KLHL1: variants seen among roughly 807,000 people sequenced by gnomAD.
KLHL1 encodes kelch like family member 1, also known as kelch-like protein 1.
In KLHL1, 47 loss-of-function variants were observed where a neutral mutation model predicts 77.7. That is an observed-to-expected ratio of 0.60 (90% CI 0.48 to 0.77). The LOEUF (loss-of-function observed/expected upper bound fraction) is 0.77, where lower values mean the gene tolerates loss of function less well. Among genes scored for constraint, KLHL1 ranks in the 30% least tolerant of loss-of-function variants. The pLI is 0.00. For missense variants in KLHL1, 925 were observed against 910.8 expected (o/e 1.02, Z -0.20); for synonymous variants, 360 against 325.2 (o/e 1.11, Z -1.15).
At chr13:69,892,011 A>G (rs1181582886) in intron 4 of KLHL1, among the ~76,000 whole-genome samples, 1 of 152,128 alleles carries the variant, frequency 6.6e-6, no homozygotes, top group Admixed American at 6.5e-5. Flanking sequence ...AAGTTTAAAC[A>G]TGCATGTATA....
intron 1 of KLHL1, among the ~76,000 whole-genome samples, chr13:70,008,771 C>T (rs1226297652): frequency 2.6e-5 from 4 of 151,986 alleles, no homozygotes. Context: ...AATATATATG[C>T]CAAAACAAAG....
chr13:70,025,493 A>G (rs1318317449), intron 1 of KLHL1, among the ~76,000 whole-genome samples: 16 of 152,006 alleles, frequency 1.1e-4, no homozygotes, highest in Non-Finnish European at 2.4e-4. Context: ...AGACAAGAAC[A>G]TGCATGAAAT....
chr13:70,048,956 T>C (rs989887043), intron 1 of KLHL1, among the ~76,000 whole-genome samples: 3 of 152,226 alleles, frequency 2.0e-5, no homozygotes, highest in Non-Finnish European at 4.4e-5. Flanking sequence ...TTATCTACTT[T>C]TGTTTTGCTT....
At chr13:69,937,387 G>A (rs995086850) in intron 4 of KLHL1, among the ~76,000 whole-genome samples, 3 of 151,952 alleles carry the variant, frequency 2.0e-5, no homozygotes, top group African/African-American at 7.3e-5. Flanking sequence ...ATTTTATTCT[G>A]GCATAGGCAG....
chr13:70,072,051 T>C (rs1460987176), intron 1 of KLHL1, among the ~76,000 whole-genome samples: 2 of 152,024 alleles, frequency 1.3e-5, no homozygotes, highest in African/African-American at 2.4e-5. Flanking sequence ...TATAAAGTCC[T>C]ACTCAGACTA....
chr13:69,914,727 T>C (rs1882363486), intron 4 of KLHL1, among the ~76,000 whole-genome samples: 1 of 152,220 alleles, frequency 6.6e-6, no homozygotes, highest in Non-Finnish European at 1.5e-5. Flanking sequence ...AGAATTGTCA[T>C]ATATAAACAA....
chr13:70,096,551 A>G (rs1887793729), intron 1 of KLHL1, among the ~76,000 whole-genome samples: 1 of 151,672 alleles, frequency 6.6e-6, no homozygotes, highest in African/African-American at 2.4e-5. Flanking sequence ...TTGATTATTA[A>G]TATTACTTCT....
At chr13:69,769,173 A>G (rs1875447242) in intron 7 of KLHL1, among the ~76,000 whole-genome samples, 1 of 152,228 alleles carries the variant, frequency 6.6e-6, no homozygotes, top group Admixed American at 6.5e-5. Flanking sequence ...AGACTTTAGC[A>G]AGGAAATGAC....
At chr13:70,095,834 C>A (rs60843307) in intron 1 of KLHL1, among the ~76,000 whole-genome samples, 3 of 151,690 alleles carry the variant, frequency 2.0e-5, no homozygotes, top group African/African-American at 7.3e-5. Context: ...CCTCCACCCC[C>A]CCCACCACAC....
At chr13:70,012,818 G>A (rs1885568496) in intron 1 of KLHL1, among the ~76,000 whole-genome samples, 2 of 151,976 alleles carry the variant, frequency 1.3e-5, no homozygotes, top group Non-Finnish European at 2.9e-5. Context: ...CAGGAGAATG[G>A]CATGAACCTG....
chr13:70,085,735 G>C (rs926294650), intron 1 of KLHL1, among the ~76,000 whole-genome samples: 7 of 152,098 alleles, frequency 4.6e-5, no homozygotes, highest in Admixed American at 1.3e-4. Flanking sequence ...GTGGTGGAAG[G>C]CACCTGTAAT....
intron 4 of KLHL1, among the ~76,000 whole-genome samples, chr13:69,911,486 T>G (rs1371418841): frequency 1.3e-5 from 2 of 151,858 alleles, no homozygotes; most frequent in African/African-American, 4.8e-5. Flanking sequence ...GTTAATGGAT[T>G]CTCTTTACAA....
chr13:69,931,796 C>T (rs1208019450), intron 4 of KLHL1, among the ~76,000 whole-genome samples: 2 of 151,620 alleles, frequency 1.3e-5, no homozygotes, highest in African/African-American at 2.4e-5. Context: ...AACTTAAAAA[C>T]AGGAACAGAA....
In KLHL1 at chr13:69,940,164, AC is replaced by A. The variant is rs1883322909; in HGVS notation, c.889del (p.Val297TrpfsTer10). On this transcript the variant is annotated frameshift_variant, in exon 4 of 11. Transcript: ENST00000377844. LOFTEE classifies it high-confidence loss of function. ...AAACLLQLPQ[V>X]VEVCCHFLMK... ...GAGGAAGTGGCAGCACACTTCCACC[AC>A]CTGTGGAAGCTGAAGAAGGCACGCT... 6.2e-7 allele frequency: 1 copy of A among 1,611,952 alleles called. No individual in the cohort carries two copies. The highest frequency in any genetic ancestry group is 1.7e-5 in the Admixed American group (1 of 59,800).
chr13:70,071,807 A>T (rs1335137678), intron 1 of KLHL1, among the ~76,000 whole-genome samples: 1 of 152,106 alleles, frequency 6.6e-6, no homozygotes, highest in Non-Finnish European at 1.5e-5. Context: ...ACCAATCAAT[A>T]TATGTTCAAA....
chr13:69,791,411 T>C (rs1441722218), intron 7 of KLHL1, among the ~76,000 whole-genome samples: 1 of 152,070 alleles, frequency 6.6e-6, no homozygotes, highest in Non-Finnish European at 1.5e-5. Flanking sequence ...AGGTACCCTT[T>C]TGTAGAAATT....
intron 1 of KLHL1, among the ~76,000 whole-genome samples, chr13:70,048,335 A>G (rs565304200): frequency 6.6e-6 from 1 of 152,318 alleles, no homozygotes; most frequent in South Asian, 2.1e-4. Flanking sequence ...TAGGATTCAT[A>G]TTAAATTTTG....
In KLHL1 at chr13:69,782,363, C is replaced by T. The variant is rs184708982; in HGVS notation, c.1639+14375G>A. On this transcript the variant is annotated intron_variant, in intron 7 of 10. Coordinates refer to ENST00000377844, the MANE Select transcript of KLHL1 (RefSeq NM_020866.3). ...GTGTGCTAGCCGAAGCAGGGCAAGGCATTGCCTCACTCGGGAAGCGCAAGG... is the reference window on the plus strand; with the variant it reads ...GTGTGCTAGCCGAAGCAGGGCAAGGTATTGCCTCACTCGGGAAGCGCAAGG... Among the ~76,000 whole-genome samples, 300 of 152,330 alleles carry T rather than the reference C, an allele frequency of 2.0e-3. 1 individual carries two copies. The highest frequency in any genetic ancestry group is 6.9e-3 in the African/African-American group (285 of 41,582).
intron 1 of KLHL1, among the ~76,000 whole-genome samples, chr13:70,039,855 G>A (rs1886332156): frequency 6.6e-6 from 1 of 151,768 alleles, no homozygotes; most frequent in African/African-American, 2.4e-5. Flanking sequence ...GGGCCAGGCT[G>A]GTCTCGAAAT....
Sources: gnomAD v4.1 joint callset for allele counts (sites outside exome capture counted in the v4.1 genomes callset) on GRCh38, gnomAD v4.1.1 for gene constraint, MANE v1.5 for transcripts, NCBI Gene and HGNC (gene_info 2026-07-23, HGNC 2026-07-21) for gene names.